Variants in MED22 observed in about 807,000 individuals in gnomAD.
MED22 encodes the protein mediator of RNA polymerase II transcription subunit 22.
Under a neutral mutation model 22.7 loss-of-function variants are expected in MED22, and 22 were observed. The observed-to-expected ratio is 0.97, with a 90% CI of 0.69 to 1.38. MED22 has a LOEUF of 1.38. Among genes scored for constraint, MED22 ranks in the 40% most tolerant of loss-of-function variants. MED22 has a pLI of 0.00. For missense variants in MED22, 247 were observed against 263.0 expected, an observed-to-expected ratio of 0.94 and a Z score of 0.42; for synonymous variants, 134 against 119.4, an observed-to-expected ratio of 1.12 and a Z score of -0.80.
At chr9:133,343,683 C>A in intron 4 of MED22, 1 of 1,259,602 alleles carries the variant, frequency 7.9e-7, no homozygotes, top group Non-Finnish European at 1.0e-6. Flanking sequence ...GAATTGCATC[C>A]CTGGTGCCCT....
chr9:133,345,797 T>C (rs1305479211), intron 2 of MED22, among the ~76,000 whole-genome samples: 2 of 152,182 alleles, frequency 1.3e-5, no homozygotes, highest in African/African-American at 4.8e-5. Context: ...CCGGCAGGCC[T>C]TGCAAAGGCT....
Position 133,341,153 on chromosome 9 carries a change from A to G in MED22, c.*352T>C. The G allele has an allele frequency of 5.1e-6, 1 of 197,060 alleles. No individual in the cohort carries two copies. 12.2% of individuals were successfully genotyped at this position (197,060 alleles called of 1,614,324 possible). A position where few individuals can be genotyped will look rare whatever the true frequency, so the allele number is the denominator to read the frequency against. On this transcript the variant is annotated 3_prime_UTR_variant, in exon 5 of 5. Transcript: ENST00000343730. ...CAGAGCCCCTCCCAACTCTGACAACAGGCTCGGGTCAGGACTCCCCGAAAT... is the reference window on the plus strand; with the variant it reads ...CAGAGCCCCTCCCAACTCTGACAACGGGCTCGGGTCAGGACTCCCCGAAAT...
At chr9:133,343,974 G>C in intron 4 of MED22, 151 bp downstream of exon 4, 2 of 1,467,600 alleles carry the variant, frequency 1.4e-6, no homozygotes, top group Non-Finnish European at 1.8e-6. Flanking sequence ...TCGGTCAAAC[G>C]CTCTGGCCAG....
Position 133,341,557 on chromosome 9 carries a change from G to A in MED22, c.551C>T (p.Ala184Val). ...ACCAGCATGGGAGTGGGCAGGGGCT[G>A]CCACCTGTAGGGGGCCAGCACTGGG... Reference protein sequence around the residue: ...PEPSAGPLQVAAPAHSHAGGP... With the variant: ...PEPSAGPLQVVAPAHSHAGGP... The change falls in exon 5 of 5, where the codon GCA becomes GTA. Residue 184 changes from alanine (A) to valine (V), a missense_variant. Transcript: ENST00000343730. 1 of 1,555,634 alleles carries A rather than the reference G, an allele frequency of 6.4e-7. No homozygotes were observed. The highest frequency in any genetic ancestry group is 8.6e-7 in the Non-Finnish European group (1 of 1,159,210).
chr9:133,339,447 C>G lies in MED22; in HGVS notation c.*2058G>C, dbSNP rs2129942884. 1.3e-6 allele frequency: 1 copy of G among 766,244 alleles called. No individual in the cohort carries two copies. Among genetic ancestry groups the G allele is most frequent in the African/African-American group, 1.7e-5 (1 of 58,382 alleles). 47.5% of individuals were successfully genotyped at this position (766,244 alleles called of 1,614,324 possible). On this transcript the variant is annotated 3_prime_UTR_variant, in exon 5 of 5. Transcript: ENST00000343730. Reference sequence around the variant, plus strand: ...AGCCTGAGCTGCTGGAACCTCTTCCCTATGAATTCATGGCATCGTGGGTGT... The same window carrying G: ...AGCCTGAGCTGCTGGAACCTCTTCCGTATGAATTCATGGCATCGTGGGTGT...
At chr9:133,347,158 A>G in intron 1 of MED22, 1 of 158,578 alleles carries the variant, frequency 6.3e-6, no homozygotes, top group Non-Finnish European at 1.4e-5. Flanking sequence ...CCCGCTCCAG[A>G]CCTCATCCCT....
rs2129948348 is a variant in MED22 at position 133,341,474 on chromosome 9, G to A, written c.*31C>T. The A allele has an allele frequency of 1.4e-5, 20 of 1,463,840 alleles. No individual in the cohort carries two copies. The African/African-American group carries it at 3.0e-4, about 22-fold the overall frequency. 90.7% of individuals were successfully genotyped at this position (1,463,840 alleles called of 1,614,324 possible). A position where few individuals can be genotyped will look rare whatever the true frequency, so the allele number is the denominator to read the frequency against. ...CATCCAAAGGGCTGCCTCAGGTTTT[G>A]TTCCTGAGAACGAAGCGTGGCCCCG... is the stretch of plus-strand genomic sequence containing the variant. On this transcript the variant is annotated 3_prime_UTR_variant, in exon 5 of 5. Coordinates refer to ENST00000343730, the MANE Select transcript of MED22 (RefSeq NM_133640.5).
chr9:133,338,589 A>G lies in MED22; in HGVS notation c.*2916T>C. 5.3e-6 allele frequency: 1 copy of G among 189,720 alleles called. No individual in the cohort carries two copies. The highest frequency in any genetic ancestry group is 9.3e-5 in the South Asian group (1 of 10,718). The allele number at this position is 189,720 out of a possible 1,614,324, so 11.8% of individuals were successfully genotyped here. On this transcript the variant is annotated 3_prime_UTR_variant, in exon 5 of 5. Transcript: ENST00000343730. ...CCAAAGTGCTGGGATTACAGGCGTG[A>G]GCCACCGCGCCCGGCCAATTTCTAT... is the stretch of plus-strand genomic sequence containing the variant.
Position 133,338,914 on chromosome 9 carries a change from A to G in MED22, c.*2591T>C. ...TAGATTTTAAGACTCCAAAATAACA[A>G]CCAAATGCAACACACAATAAAAACA... is the stretch of plus-strand genomic sequence containing the variant. On this transcript the variant is annotated 3_prime_UTR_variant, in exon 5 of 5. Coordinates refer to ENST00000343730, the MANE Select transcript of MED22 (RefSeq NM_133640.5). The G allele has an allele frequency of 1.8e-6, 1 of 541,246 alleles. No homozygotes were observed. Among genetic ancestry groups the G allele is most frequent in the Non-Finnish European group, 3.6e-6 (1 of 279,378 alleles). 33.5% of individuals were successfully genotyped at this position (541,246 alleles called of 1,614,324 possible). A position where few individuals can be genotyped will look rare whatever the true frequency, so the allele number is the denominator to read the frequency against.
At position 133,344,263 on chromosome 9, in the gene MED22, G is replaced by C; in HGVS notation, c.275C>G (p.Pro92Arg). ...LKQFLILNDF[P>R]SVNEAIDQRN... is the part of the protein sequence containing the mutation. ...CTGGTCAATGGCCTCGTTCACGGAG[G>C]GGAAGTCATTGAGGATCAGGAACTG... The change falls in exon 4 of 5, where the codon CCC becomes CGC. Residue 92 changes from proline to arginine, a missense_variant. Physicochemically the swap from Pro to Arg is moderately radical, Grantham distance 103. Transcript: ENST00000343730. 2.5e-6 allele frequency: 4 copies of C among 1,614,194 alleles called. No individual in the cohort carries two copies. The highest frequency in any genetic ancestry group is 3.4e-6 in the Non-Finnish European group (4 of 1,180,030).
Position 133,344,169 on chromosome 9 carries a change from G to C in MED22, c.369C>G (p.Ile123Met). ...DRKLITLRDE[I>M]SIDLYELEEE... ...CCTCCAGCTCGTAGAGGTCAATGGA[G>C]ATCTCGTCTCGCAGCGTGATGAGCT... The change falls in exon 4 of 5, where the codon ATC (isoleucine) becomes ATG (methionine). Residue 123 changes from isoleucine (I) to methionine (M), a missense_variant. Physicochemically the swap from Ile to Met is conservative, Grantham distance 10 (BLOSUM62 1). Transcript: ENST00000343730. 6.2e-7 allele frequency: 1 copy of C among 1,614,228 alleles called. No individual in the cohort carries two copies. Among genetic ancestry groups the C allele is most frequent in the Non-Finnish European group, 8.5e-7 (1 of 1,180,040 alleles).
chr9:133,341,316 G>T lies in MED22; in HGVS notation c.*189C>A. 1 of 519,102 alleles carries T rather than the reference G, an allele frequency of 1.9e-6. No individual in the cohort carries two copies. The highest frequency in any genetic ancestry group is 3.2e-6 in the Non-Finnish European group (1 of 312,346). 32.2% of individuals were successfully genotyped at this position (519,102 alleles called of 1,614,324 possible). On this transcript the variant is annotated 3_prime_UTR_variant, in exon 5 of 5. Coordinates refer to ENST00000343730, the MANE Select transcript of MED22 (RefSeq NM_133640.5). ...GATGGGCTATTCGGAAATGGCTAGGGAAACAACTGTTTCCCTACTGTCCTG... is the reference window on the plus strand; with the variant it reads ...GATGGGCTATTCGGAAATGGCTAGGTAAACAACTGTTTCCCTACTGTCCTG...
chr9:133,342,630 GT>G, intron 4 of MED22: 1 of 986,216 alleles, frequency 1.0e-6, no homozygotes, highest in Non-Finnish European at 1.2e-6. Flanking sequence ...CCAGGACCTG[GT>G]CGCTTAAAGG....
In MED22 at chr9:133,346,607, T is replaced by A; in HGVS notation, c.56A>T (p.Asn19Ile). ...QSKETLLQSYNKRLKDDIKSI... is the reference protein window; with the variant it reads ...QSKETLLQSYIKRLKDDIKSI... Reference sequence around the variant, plus strand: ...CTTAATGTCGTCCTTCAGCCGCTTGTTGTAGGACTGCAGCAGCGTCTCCTT... The same window carrying A: ...CTTAATGTCGTCCTTCAGCCGCTTGATGTAGGACTGCAGCAGCGTCTCCTT... The change falls in exon 2 of 5, where the codon AAC (asparagine) becomes ATC (isoleucine). Residue 19 changes from asparagine (N) to isoleucine (I), a missense_variant. Coordinates refer to ENST00000343730, the MANE Select transcript of MED22 (RefSeq NM_133640.5). The A allele has an allele frequency of 1.2e-6, 2 of 1,612,898 alleles. No individual in the cohort carries two copies. Among genetic ancestry groups the A allele is most frequent in the Non-Finnish European group, 1.7e-6 (2 of 1,179,938 alleles).
At chr9:133,346,488 T>C in intron 2 of MED22, 52 bp downstream of exon 2, 1 of 1,606,492 alleles carries the variant, frequency 6.2e-7, no homozygotes, top group Non-Finnish European at 8.5e-7. Flanking sequence ...GCCTCTCCTG[T>C]CTCCACCCCT....
At chr9:133,345,605 T>A (rs1351159960) in intron 2 of MED22, among the ~76,000 whole-genome samples, 1 of 152,220 alleles carries the variant, frequency 6.6e-6, no homozygotes. Context: ...TGCTTGGCAT[T>A]TGGTAAACTG....
In MED22 at chr9:133,345,178, G is replaced by A. The variant is rs2129964104; in HGVS notation, c.198C>T (p.Ala66=). 5 of 1,613,914 alleles carry A rather than the reference G, an allele frequency of 3.1e-6. No individual in the cohort carries two copies. In the South Asian group the frequency reaches 4.4e-5, roughly 14 times the overall value. Residue 66 remains alanine, a synonymous_variant, in exon 3 of 5, where the codon GCC becomes GCT. Coordinates refer to ENST00000343730, the MANE Select transcript of MED22 (RefSeq NM_133640.5). Reference sequence around the variant, plus strand: ...CTCCACCCTGGCCACTCACGATGTTGGCGGCTCGCACATGCATCTCGTAAT... The same window carrying A: ...CTCCACCCTGGCCACTCACGATGTTAGCGGCTCGCACATGCATCTCGTAAT... ...QDNYEMHVRA[A]NIVRAGESLM... is the part of the protein sequence containing the mutation.
intron 4 of MED22, chr9:133,342,334 G>A (rs1564339149): frequency 1.1e-5 from 11 of 985,900 alleles, no homozygotes; most frequent in South Asian, 4.7e-5. Context: ...GACAATCCAC[G>A]CTCGCCTCTT....
chr9:133,346,936 G>A (rs1354016251), intron 1 of MED22, among the ~76,000 whole-genome samples: 3 of 152,160 alleles, frequency 2.0e-5, no homozygotes, highest in African/African-American at 7.2e-5. Flanking sequence ...TCCAAGCCCT[G>A]TCCAGGGCTC....
Sources: allele counts gnomAD v4.1 joint callset (sites outside exome capture counted in the v4.1 genomes callset), GRCh38; gene constraint gnomAD v4.1.1; transcripts MANE v1.5; gene names NCBI Gene and HGNC (gene_info 2026-07-23, HGNC 2026-07-21).